CD2AP: variants seen among roughly 807,000 people sequenced by gnomAD.
CD2AP encodes CD2 associated protein, also known as CD2-associated protein.
A neutral mutation model predicts 85.1 loss-of-function variants in CD2AP; 46 were observed. That is an observed-to-expected ratio of 0.54 (90% confidence interval 0.43 to 0.69). The LOEUF (loss-of-function observed/expected upper bound fraction) is 0.69. Ranked by LOEUF, CD2AP falls within the 30% of genes least tolerant of loss-of-function variation. The pLI, the probability that CD2AP is intolerant of heterozygous loss-of-function variation, is 0.00. For synonymous variants in CD2AP, 255 were observed against 252.9 expected, an observed-to-expected ratio of 1.01 and a Z score of -0.08; for missense variants, 769 against 729.5, an observed-to-expected ratio of 1.05 and a Z score of -0.62.
chr6:47,602,177 A>G (rs1437160014), intron 13 of CD2AP, among the ~76,000 whole-genome samples: 1 of 152,000 alleles, frequency 6.6e-6, no homozygotes, highest in African/African-American at 2.4e-5. Context: ...ATAAATGCAG[A>G]CTGACTTTTG....
At position 47,599,310 on chromosome 6, in the gene CD2AP, G is replaced by GGAA. The variant is rs773241556; in HGVS notation, c.1286_1288dup (p.Glu429dup). On this transcript the variant is annotated inframe_insertion, in exon 13 of 18. Transcript: ENST00000359314. ...TTTTTTCTTATTTCAGGATTAATGG[G>GGAA]GAAGTTTCTAGCATTTCATCAAAAT... is the stretch of plus-strand genomic sequence containing the variant. 152 of 1,611,638 alleles carry GGAA rather than the reference G, an allele frequency of 9.4e-5. 1 individual carries two copies. In the Admixed American group the frequency reaches 2.5e-3, roughly 26 times the overall value.
chr6:47,540,508 A>G (rs1767186938), intron 3 of CD2AP, among the ~76,000 whole-genome samples: 2 of 152,140 alleles, frequency 1.3e-5, no homozygotes, highest in Admixed American at 1.3e-4. Flanking sequence ...ATTTGTGGTA[A>G]TAATAGCTAT....
chr6:47,574,856 A>G (rs1768262238), intron 6 of CD2AP, among the ~76,000 whole-genome samples: 1 of 152,136 alleles, frequency 6.6e-6, no homozygotes, highest in Non-Finnish European at 1.5e-5. Context: ...TTAAGCTGTT[A>G]ATTTGGTGGT....
chr6:47,580,921 T>TA, intron 10 of CD2AP, 21 bp downstream of exon 10: 2 of 1,563,454 alleles, frequency 1.3e-6, no homozygotes, highest in Non-Finnish European at 1.8e-6. Flanking sequence ...AGCATATTAT[T>TA]CAGTTTGCTA....
chr6:47,554,297 A>G (rs1767614540), intron 4 of CD2AP, among the ~76,000 whole-genome samples: 1 of 152,206 alleles, frequency 6.6e-6, no homozygotes, highest in African/African-American at 2.4e-5. Flanking sequence ...AAGCCTTAGT[A>G]GTGTTTACAA....
At chr6:47,603,620 A>G (rs1263607702) in intron 13 of CD2AP, among the ~76,000 whole-genome samples, 1 of 152,126 alleles carries the variant, frequency 6.6e-6, no homozygotes, top group Admixed American at 6.6e-5. Flanking sequence ...TGTAAGTTAG[A>G]TAACCTGCAA....
intron 1 of CD2AP, among the ~76,000 whole-genome samples, chr6:47,481,771 A>G (rs543626706): frequency 2.0e-5 from 3 of 152,198 alleles, no homozygotes; most frequent in African/African-American, 7.2e-5. Flanking sequence ...ATTTTTATTT[A>G]TATGTTATTT....
chr6:47,530,581 T>C (rs1017031605), intron 2 of CD2AP, among the ~76,000 whole-genome samples: 3 of 152,212 alleles, frequency 2.0e-5, no homozygotes, highest in Admixed American at 6.5e-5. Flanking sequence ...ACTTGATGGA[T>C]GTTTGGATTG....
At chr6:47,572,005 A>G (rs1448131101) in intron 5 of CD2AP, among the ~76,000 whole-genome samples, 2 of 152,210 alleles carry the variant, frequency 1.3e-5, no homozygotes, top group Non-Finnish European at 1.5e-5. Context: ...GTTTGTTTTC[A>G]GGGGCTCTCT....
At chr6:47,612,655 C>A in intron 17 of CD2AP, 119 bp downstream of exon 17, 1 of 716,626 alleles carries the variant, frequency 1.4e-6, no homozygotes, top group Non-Finnish European at 2.6e-6. Flanking sequence ...GTTGGACATA[C>A]ACACAATGGA....
intron 5 of CD2AP, among the ~76,000 whole-genome samples, chr6:47,555,703 A>G (rs1196675974): frequency 6.6e-6 from 1 of 152,194 alleles, no homozygotes; most frequent in African/African-American, 2.4e-5. Flanking sequence ...CTATCTTTAC[A>G]TACAAGATCA....
intron 5 of CD2AP, among the ~76,000 whole-genome samples, chr6:47,560,125 A>G (rs1398893773): frequency 6.6e-6 from 1 of 152,150 alleles, no homozygotes; most frequent in African/African-American, 2.4e-5. Flanking sequence ...TTATAAAAAT[A>G]AAACAAAGAC....
At chr6:47,518,217 G>A (rs1766502334) in intron 2 of CD2AP, among the ~76,000 whole-genome samples, 1 of 152,178 alleles carries the variant, frequency 6.6e-6, no homozygotes, top group African/African-American at 2.4e-5. Context: ...AGAATACTGA[G>A]TTATGATTTA....
chr6:47,564,057 T>C (rs1767930002), intron 5 of CD2AP, among the ~76,000 whole-genome samples: 1 of 152,186 alleles, frequency 6.6e-6, no homozygotes. Flanking sequence ...AGATGTACTT[T>C]CACTATTTTA....
At chr6:47,532,440 T>A (rs576348860) in intron 2 of CD2AP, among the ~76,000 whole-genome samples, 1 of 151,692 alleles carries the variant, frequency 6.6e-6, no homozygotes, top group Non-Finnish European at 1.5e-5. Flanking sequence ...CATATCAAGT[T>A]AAAATTGTTA....
intron 2 of CD2AP, among the ~76,000 whole-genome samples, chr6:47,505,844 G>T (rs1344214515): frequency 2.5e-5 from 3 of 121,166 alleles, no homozygotes; most frequent in Non-Finnish European, 3.5e-5. Context: ...CTGTCCGGGC[G>T]GGGGGGCTGA....
chr6:47,572,773 A>G (rs1366112543), intron 5 of CD2AP, among the ~76,000 whole-genome samples: 2 of 152,164 alleles, frequency 1.3e-5, no homozygotes, highest in African/African-American at 4.8e-5. Flanking sequence ...TAAAATGAGG[A>G]GTAATAGTGC....
At chr6:47,533,160 T>C (rs987566592) in intron 2 of CD2AP, among the ~76,000 whole-genome samples, 1 of 152,246 alleles carries the variant, frequency 6.6e-6, no homozygotes. Context: ...AACATAGTTA[T>C]ATTCATTCAT....
intron 1 of CD2AP, among the ~76,000 whole-genome samples, chr6:47,491,692 C>T (rs1765740177): frequency 6.6e-6 from 1 of 151,948 alleles, no homozygotes; most frequent in Non-Finnish European, 1.5e-5. Context: ...TTTATTAAAG[C>T]AGACTAGTAG....
Sources: allele counts gnomAD v4.1 joint callset (sites outside exome capture counted in the v4.1 genomes callset), GRCh38; gene constraint gnomAD v4.1.1; transcripts MANE v1.5; gene names NCBI Gene and HGNC (gene_info 2026-07-23, HGNC 2026-07-21).